The following FER1L5 variants were observed in gnomAD, a reference collection of about 807,000 sequenced individuals.
FER1L5 encodes fer-1 like family member 5, also known as fer-1-like protein 5.
In FER1L5, 187 loss-of-function variants were observed where a neutral mutation model predicts 279.9. The ratio of observed to expected loss-of-function variants is 0.67; its 90% confidence interval spans 0.59 to 0.75. FER1L5 has a LOEUF of 0.75. Ranked by LOEUF, FER1L5 falls within the 30% of genes least tolerant of loss-of-function variation. FER1L5 has a pLI of 0.00. For missense variants in FER1L5, 2,091 were observed against 2,594.4 expected (o/e 0.81, Z 4.21); for synonymous variants, 921 against 989.7 (o/e 0.93, Z 1.30).
intron 45 of FER1L5, 123 bp downstream of exon 45, chr2:96,700,594 T>C (rs1298407247): frequency 1.5e-6 from 2 of 1,291,148 alleles, no homozygotes; most frequent in East Asian, 2.4e-5. Flanking sequence ...TTTAGTAATG[T>C]ACATGCACAG....
chr2:96,694,566 C>A lies in FER1L5; in HGVS notation c.3741+102C>A. ...TCCTCCCTGACTACTGGATCCAAAG[C>A]TCACACCCCGAAAAAGACTACCTGG... is the stretch of plus-strand genomic sequence containing the variant. On this transcript the variant is annotated intron_variant, in intron 34 of 52. Coordinates refer to ENST00000624922, the MANE Select transcript of FER1L5 (RefSeq NM_001293083.2). This position sits in a 1 kb window ranked among gnomAD's most constrained non-coding sequence, Gnocchi z 4.6. The A allele has an allele frequency of 1.1e-6, 1 of 926,080 alleles. No individual in the cohort carries two copies. Among genetic ancestry groups the A allele is most frequent in the Non-Finnish European group, 1.5e-6 (1 of 658,584 alleles). 57.4% of individuals were successfully genotyped at this position (926,080 alleles called of 1,614,324 possible).
intron 34 of FER1L5, 141 bp from the exon 35 acceptor site, chr2:96,695,368 C>G: frequency 8.9e-7 from 1 of 1,121,276 alleles, no homozygotes; most frequent in Non-Finnish European, 1.2e-6. Flanking sequence ...CCTTCAGACA[C>G]TGGCTCCTCT....
At chr2:96,643,798 A>G (rs760969426) in intron 1 of FER1L5, among the ~76,000 whole-genome samples, 1 of 151,698 alleles carries the variant, frequency 6.6e-6, no homozygotes, top group Non-Finnish European at 1.5e-5. Context: ...GGGAGAAAGA[A>G]TTTGTGAGAG....
chr2:96,680,335 T>C (rs138125278), intron 19 of FER1L5, among the ~76,000 whole-genome samples: 32 of 152,156 alleles, frequency 2.1e-4, no homozygotes, highest in African/African-American at 7.2e-4. Flanking sequence ...GGTCTGAAAC[T>C]AGTGTCTTCC....
chr2:96,699,820 C>T (rs1014062821), intron 43 of FER1L5, 100 bp downstream of exon 43: 1 of 1,574,838 alleles, frequency 6.3e-7, no homozygotes, highest in African/African-American at 1.4e-5. Flanking sequence ...GGAACCAGGG[C>T]CCAGACCTGC....
intron 9 of FER1L5, chr2:96,654,708 G>C (rs2106466237): frequency 6.8e-6 from 2 of 293,558 alleles, no homozygotes; most frequent in East Asian, 1.1e-4. Context: ...GACCATCGTG[G>C]CTAACACAGT....
chr2:96,661,978 G>A (rs558839774), intron 12 of FER1L5, among the ~76,000 whole-genome samples, 187 bp downstream of exon 12: 1 of 152,236 alleles, frequency 6.6e-6, no homozygotes, highest in South Asian at 2.1e-4. Context: ...TTTCAAACGG[G>A]TCTCACACCC....
chr2:96,698,775 G>A lies in FER1L5; in HGVS notation c.4461G>A (p.Leu1487=). 6.4e-7 allele frequency: 1 copy of A among 1,567,618 alleles called. No homozygotes were observed. The highest frequency in any genetic ancestry group is 8.6e-7 in the Non-Finnish European group (1 of 1,156,562). ...GAGAGGACTTCCCCCAGCCGTGCTT[G>A]GTGCGGGTGTACATGGTACGAGCCA... The part of the protein sequence containing the change: ...PEREDFPQPC[L]VRVYMVRAIN... Residue 1487 remains leucine (L), a synonymous_variant, in exon 41 of 53, where the codon TTG becomes TTA. Transcript: ENST00000624922. This position sits in a 1 kb window ranked among gnomAD's most constrained non-coding sequence, Gnocchi z 5.5.
chr2:96,700,282 G>A, intron 44 of FER1L5, 50 bp from the exon 45 acceptor site: 2 of 1,606,070 alleles, frequency 1.2e-6, no homozygotes, highest in South Asian at 1.1e-5. Flanking sequence ...CTAGGAGATA[G>A]GAAGGCTAAT....
chr2:96,661,610 T>G, intron 11 of FER1L5, 58 bp from the exon 12 acceptor site: 1 of 1,547,422 alleles, frequency 6.5e-7, no homozygotes, highest in Middle Eastern at 1.7e-4. Context: ...CAAAGTCTGG[T>G]GTCCTTGCCT....
At chr2:96,701,867 C>A in intron 45 of FER1L5, 88 bp from the exon 46 acceptor site, 1 of 1,306,450 alleles carries the variant, frequency 7.7e-7, no homozygotes, top group Non-Finnish European at 1.1e-6. Flanking sequence ...CCTCAACAGA[C>A]CTCAGAACCT....
intron 51 of FER1L5, among the ~76,000 whole-genome samples, 159 bp downstream of exon 51, chr2:96,703,791 G>T (rs1340492308): frequency 6.7e-6 from 1 of 149,872 alleles, no homozygotes; most frequent in Non-Finnish European, 1.5e-5. Context: ...GGTGAGGGTT[G>T]GAGTAAGCAA....
Position 96,692,127 on chromosome 2 carries a change from T to A in FER1L5, c.3238T>A (p.Cys1080Ser). ...FNKPHYYQLF[C>S]YIYQARNLVS... ...AGAGCCCCACTACTACCAGCTCTTC[T>A]GCTACATCTACCAGGCCCGGAACCT... The change falls in exon 31 of 53, where the codon TGC becomes AGC. Residue 1080 changes from cysteine (C) to serine (S), a missense_variant. Transcript: ENST00000624922. 1 of 1,551,588 alleles carries A rather than the reference T, an allele frequency of 6.4e-7. No individual in the cohort carries two copies. The highest frequency in any genetic ancestry group is 8.7e-7 in the Non-Finnish European group (1 of 1,146,948).
At chr2:96,659,421 CTTTCTTTCTTTCTTTCTTTCTTTCTTT>C (rs2075820270) in intron 9 of FER1L5, among the ~76,000 whole-genome samples, 1 of 8,520 alleles carries the variant, frequency 1.2e-4, no homozygotes, top group Non-Finnish European at 1.9e-4. Flanking sequence ...TTCTTTCTTT[CTTTCTTTCTTTCTTTCTTTCTTTCTTT>C]CTTTCTTTCT....
At chr2:96,692,034 G>A in intron 30 of FER1L5, 70 bp from the exon 31 acceptor site, 1 of 1,528,826 alleles carries the variant, frequency 6.5e-7, no homozygotes, top group Non-Finnish European at 8.9e-7. Flanking sequence ...GGGGGGGACA[G>A]GGTGGGGGCA....
intron 19 of FER1L5, among the ~76,000 whole-genome samples, chr2:96,679,980 G>C (rs932343109): frequency 6.6e-5 from 10 of 152,012 alleles, no homozygotes; most frequent in Admixed American, 4.6e-4. Context: ...CTCCTTCAGG[G>C]AGTGTGTTTT....
chr2:96,675,658 C>T (rs1342065601), intron 19 of FER1L5, among the ~76,000 whole-genome samples: 2 of 152,184 alleles, frequency 1.3e-5, no homozygotes, highest in Non-Finnish European at 2.9e-5. Context: ...AACTCCTGAC[C>T]TCAAGTGATC....
At chr2:96,651,237 CTCTTTCTTTCTTTCTTTCTTTCTT>C (rs70964882) in intron 6 of FER1L5, among the ~76,000 whole-genome samples, 240 of 128,622 alleles carry the variant, frequency 1.9e-3, no homozygotes, top group Non-Finnish European at 2.0e-3. Flanking sequence ...TTCTTTCTTT[CTCTTTCTTTCTTTCTTTCTTTCTT>C]TCTTTCTTTC....
chr2:96,649,985 C>T (rs2075295464), intron 5 of FER1L5, among the ~76,000 whole-genome samples, 195 bp from the exon 6 acceptor site: 2 of 152,174 alleles, frequency 1.3e-5, no homozygotes, highest in African/African-American at 4.8e-5. Flanking sequence ...GGAGCAGGGT[C>T]CAGGGATCCA....
Sources: allele counts gnomAD v4.1 joint callset (sites outside exome capture counted in the v4.1 genomes callset), GRCh38; gene constraint gnomAD v4.1.1; non-coding constraint Gnocchi (gnomAD v3.1); transcripts MANE v1.5; gene names NCBI Gene and HGNC (gene_info 2026-07-23, HGNC 2026-07-21).